The following KIAA1328 variants were observed in gnomAD, a reference collection of about 807,000 sequenced individuals.
KIAA1328 encodes protein hinderin.
Under a neutral mutation model 68.1 loss-of-function variants are expected in KIAA1328, and 52 were observed. The ratio of observed to expected loss-of-function variants is 0.76; its 90% CI spans 0.61 to 0.96. The LOEUF (loss-of-function observed/expected upper bound fraction) is 0.96, where lower values mean the gene tolerates loss of function less well. Ranked by LOEUF, KIAA1328 falls within the 40% of genes least tolerant of loss-of-function variation. The pLI, the probability that KIAA1328 is intolerant of heterozygous loss-of-function variation, is 0.00. For missense variants in KIAA1328, 641 were observed against 677.6 expected, an observed-to-expected ratio of 0.95 and a Z score of 0.60; for synonymous variants, 232 against 239.4, an observed-to-expected ratio of 0.97 and a Z score of 0.28.
chr18:37,050,490 T>A (rs761137476), intron 6 of KIAA1328, among the ~76,000 whole-genome samples: 5 of 152,234 alleles, frequency 3.3e-5, no homozygotes, highest in Non-Finnish European at 7.3e-5. Flanking sequence ...TTCTTTCTCA[T>A]ATACATTTAG....
chr18:36,860,815 G>A (rs958567450), intron 4 of KIAA1328, among the ~76,000 whole-genome samples: 2 of 152,114 alleles, frequency 1.3e-5, no homozygotes, highest in African/African-American at 4.8e-5. Context: ...AGATTATGGT[G>A]ATGGTTACAG....
intron 7 of KIAA1328, among the ~76,000 whole-genome samples, chr18:37,152,512 G>A (rs1322819366): frequency 1.3e-5 from 2 of 152,086 alleles, no homozygotes; most frequent in Non-Finnish European, 2.9e-5. Flanking sequence ...AAAAGGGAGG[G>A]CAGAGAGCTT....
intron 8 of KIAA1328, among the ~76,000 whole-genome samples, chr18:37,165,294 A>G (rs1368182543): frequency 6.6e-6 from 1 of 152,208 alleles, no homozygotes; most frequent in Non-Finnish European, 1.5e-5. Context: ...TTATTACAAT[A>G]TAGAATACAA....
At chr18:37,104,772 A>G (rs1487922785) in intron 7 of KIAA1328, among the ~76,000 whole-genome samples, 1 of 152,200 alleles carries the variant, frequency 6.6e-6, no homozygotes, top group African/African-American at 2.4e-5. Flanking sequence ...TATGATTAAT[A>G]TGTAACAATA....
downstream of KIAA1328, among the ~76,000 whole-genome samples, chr18:37,229,189 T>G (rs2060653828): frequency 6.6e-6 from 1 of 152,164 alleles, no homozygotes; most frequent in Non-Finnish European, 1.5e-5. Flanking sequence ...ATCCAGAATG[T>G]TGGGCATGTA....
intron 7 of KIAA1328, among the ~76,000 whole-genome samples, chr18:37,072,737 C>A (rs1258887317): frequency 3.3e-5 from 5 of 152,090 alleles, no homozygotes; most frequent in Non-Finnish European, 7.4e-5. Flanking sequence ...GTTTGCTGCA[C>A]ATACTGACCC....
chr18:37,167,382 A>C (rs532922626), intron 8 of KIAA1328, among the ~76,000 whole-genome samples: 6 of 152,272 alleles, frequency 3.9e-5, no homozygotes, highest in African/African-American at 1.2e-4. Context: ...ACTGGATCAC[A>C]CGTGGGCTTG....
intron 5 of KIAA1328, among the ~76,000 whole-genome samples, chr18:36,918,235 A>G (rs999516647): frequency 6.6e-6 from 1 of 151,222 alleles, no homozygotes; most frequent in Non-Finnish European, 1.5e-5. Flanking sequence ...GAGTATTATC[A>G]GTTTTATTTA....
intron 6 of KIAA1328, among the ~76,000 whole-genome samples, chr18:37,037,145 C>T (rs187438053): frequency 4.7e-4 from 72 of 152,036 alleles, no homozygotes; most frequent in African/African-American, 1.6e-3. Context: ...TATATATTGC[C>T]GTAACTATTA....
intron 4 of KIAA1328, among the ~76,000 whole-genome samples, chr18:36,862,474 CT>C (rs887234494): frequency 6.6e-6 from 1 of 151,406 alleles, no homozygotes; most frequent in Non-Finnish European, 1.5e-5. Flanking sequence ...TGACTGACTT[CT>C]TTTTTTTTAA....
chr18:37,150,980 T>A (rs938239942), intron 7 of KIAA1328, among the ~76,000 whole-genome samples: 1 of 152,276 alleles, frequency 6.6e-6, no homozygotes, highest in Non-Finnish European at 1.5e-5. Flanking sequence ...ATGAAAGATA[T>A]TGGGAAGAAG....
intron 9 of KIAA1328, among the ~76,000 whole-genome samples, chr18:37,190,513 G>A (rs528730736): frequency 3.0e-4 from 46 of 152,286 alleles, no homozygotes; most frequent in African/African-American, 9.6e-4. Context: ...GGAGGATGCT[G>A]CGCGAGTTTT....
chr18:37,082,458 C>T (rs2056981188), intron 7 of KIAA1328, among the ~76,000 whole-genome samples: 3 of 152,308 alleles, frequency 2.0e-5, no homozygotes, highest in Middle Eastern at 3.4e-3. Context: ...AGGCGTGAGC[C>T]ACCCCGCCCG....
chr18:36,907,819 A>G (rs2049278195), intron 5 of KIAA1328, among the ~76,000 whole-genome samples: 1 of 152,084 alleles, frequency 6.6e-6, no homozygotes, highest in Non-Finnish European at 1.5e-5. Flanking sequence ...GTATAGAATG[A>G]GTTTAATCTT....
Position 36,885,651 on chromosome 18 carries a change from C to T in KIAA1328, c.427C>T (p.Leu143=), listed in dbSNP as rs1279785136. The T allele has an allele frequency of 1.9e-6, 3 of 1,588,098 alleles. No homozygotes were observed. Among genetic ancestry groups the T allele is most frequent in the African/African-American group, 1.4e-5 (1 of 74,064 alleles). ...CAGGCAGTTGGAAGAACAGAATGAA[C>T]TGATCATCAAAGAAAGGGAAGATAT... is the stretch of plus-strand genomic sequence containing the variant. The part of the protein sequence containing the change: ...KIRQLEEQNE[L]IIKEREALQL... The change falls in exon 5 of 10, where the codon CTG becomes TTG. Residue 143 remains leucine (L), a synonymous_variant. Coordinates refer to ENST00000280020, the MANE Select transcript of KIAA1328 (RefSeq NM_020776.3).
intron 5 of KIAA1328, among the ~76,000 whole-genome samples, chr18:36,956,718 T>A (rs2051434909): frequency 6.6e-6 from 1 of 152,204 alleles, no homozygotes; most frequent in South Asian, 2.1e-4. Flanking sequence ...GCTTGATTTT[T>A]CCAGAGTAAA....
At chr18:37,092,122 G>A (rs1306564208) in intron 7 of KIAA1328, among the ~76,000 whole-genome samples, 3 of 152,062 alleles carry the variant, frequency 2.0e-5, no homozygotes, top group Non-Finnish European at 4.4e-5. Flanking sequence ...ATGCACCATT[G>A]GGAGATCTGA....
chr18:37,102,857 G>A (rs1041499745), intron 7 of KIAA1328, among the ~76,000 whole-genome samples: 2 of 152,070 alleles, frequency 1.3e-5, no homozygotes, highest in African/African-American at 4.8e-5. Context: ...ATAACTCTTA[G>A]AACTGATAAA....
intron 6 of KIAA1328, among the ~76,000 whole-genome samples, chr18:37,020,526 A>G (rs540418419): frequency 4.6e-5 from 7 of 152,378 alleles, no homozygotes; most frequent in South Asian, 4.1e-4. Context: ...AGAATACTGT[A>G]TATAAATTTA....
Sources: gnomAD v4.1 joint callset for allele counts (sites outside exome capture counted in the v4.1 genomes callset) on GRCh38, gnomAD v4.1.1 for gene constraint, MANE v1.5 for transcripts, NCBI Gene and HGNC (gene_info 2026-07-23, HGNC 2026-07-21) for gene names.